The following LRMDA variants were observed in gnomAD, a reference collection of about 807,000 sequenced individuals.
The protein encoded by LRMDA is leucine-rich melanocyte differentiation-associated protein.
In LRMDA, 18 loss-of-function variants were observed where a neutral mutation model predicts 29.8. The ratio of observed to expected loss-of-function variants is 0.60; its 90% CI spans 0.42 to 0.90. The LOEUF is 0.90. Ranked by LOEUF, LRMDA falls within the 40% of genes least tolerant of loss-of-function variation. The probability of loss-of-function intolerance (pLI) is 0.00; values close to 1 mark genes in which losing one functional copy is unlikely to be tolerated. For missense variants in LRMDA, 273 were observed against 273.9 expected (o/e 1.00, Z 0.02); for synonymous variants, 125 against 109.4 (o/e 1.14, Z -0.89).
intron 2 of LRMDA, among the ~76,000 whole-genome samples, chr10:75,790,886 G>A (rs1843554102): frequency 6.6e-6 from 1 of 152,190 alleles, no homozygotes; most frequent in East Asian, 1.9e-4. Context: ...TGGGGAAGGT[G>A]GCTTTCGTTG....
chr10:76,459,197 C>T (rs1315270863), intron 6 of LRMDA, among the ~76,000 whole-genome samples: 1 of 152,118 alleles, frequency 6.6e-6, no homozygotes, highest in Non-Finnish European at 1.5e-5. Context: ...AACCTCCTTG[C>T]CAAGCACTTT....
At chr10:75,949,968 C>T (rs941561808) in intron 2 of LRMDA, among the ~76,000 whole-genome samples, 3 of 152,160 alleles carry the variant, frequency 2.0e-5, no homozygotes, top group Non-Finnish European at 4.4e-5. Flanking sequence ...TTTCTGAAGC[C>T]CAGAGAACTC....
chr10:76,502,795 G>A (rs544792513), intron 6 of LRMDA, among the ~76,000 whole-genome samples: 5 of 151,338 alleles, frequency 3.3e-5, no homozygotes, highest in African/African-American at 1.2e-4. Flanking sequence ...GAGCCTTTTG[G>A]CAGAGTCTTT....
chr10:75,546,881 C>T (rs577450825), intron 2 of LRMDA, among the ~76,000 whole-genome samples: 9 of 152,248 alleles, frequency 5.9e-5, no homozygotes, highest in Admixed American at 3.9e-4. Context: ...TGTATTATTT[C>T]ACTGAATCCT....
chr10:75,969,068 C>T (rs901784683), intron 2 of LRMDA, among the ~76,000 whole-genome samples: 6 of 152,212 alleles, frequency 3.9e-5, no homozygotes, highest in African/African-American at 1.4e-4. Flanking sequence ...GCCACACTGA[C>T]AGCCACTGTT....
At chr10:75,733,135 G>A (rs1276683893) in intron 2 of LRMDA, among the ~76,000 whole-genome samples, 1 of 152,148 alleles carries the variant, frequency 6.6e-6, no homozygotes, top group African/African-American at 2.4e-5. Flanking sequence ...TGAATATGTG[G>A]GCTATGTAAT....
chr10:76,193,360 G>C (rs898262860), intron 5 of LRMDA, among the ~76,000 whole-genome samples: 2 of 152,074 alleles, frequency 1.3e-5, no homozygotes, highest in African/African-American at 4.8e-5. Context: ...TAGGCTCCCT[G>C]CTTCAATCAT....
At chr10:75,766,755 G>A (rs1432492440) in intron 2 of LRMDA, among the ~76,000 whole-genome samples, 1 of 151,764 alleles carries the variant, frequency 6.6e-6, no homozygotes, top group South Asian at 2.1e-4. Context: ...TTTAAGCCCC[G>A]CATGCATTAG....
At chr10:76,057,784 G>C (rs1848640463) in intron 4 of LRMDA, among the ~76,000 whole-genome samples, 1 of 152,188 alleles carries the variant, frequency 6.6e-6, no homozygotes, top group Non-Finnish European at 1.5e-5. Flanking sequence ...TTGATTGTTG[G>C]ACTATGGAAC....
intron 2 of LRMDA, among the ~76,000 whole-genome samples, chr10:75,877,537 T>C (rs1845218711): frequency 6.6e-6 from 1 of 152,244 alleles, no homozygotes; most frequent in Non-Finnish European, 1.5e-5. Context: ...AGTGCTGGAC[T>C]CATTCTAAAC....
At chr10:76,523,725 G>T (rs1843145949) in intron 6 of LRMDA, among the ~76,000 whole-genome samples, 1 of 152,194 alleles carries the variant, frequency 6.6e-6, no homozygotes, top group Non-Finnish European at 1.5e-5. Context: ...TGGATGAAAA[G>T]ATGGTGGACA....
At chr10:76,470,889 A>G (rs1385648173) in intron 6 of LRMDA, among the ~76,000 whole-genome samples, 1 of 151,990 alleles carries the variant, frequency 6.6e-6, no homozygotes, top group Non-Finnish European at 1.5e-5. Flanking sequence ...ACCTAACACC[A>G]CTGAATTATG....
intron 2 of LRMDA, among the ~76,000 whole-genome samples, chr10:75,865,672 A>G (rs1845006704): frequency 6.6e-6 from 1 of 152,218 alleles, no homozygotes; most frequent in South Asian, 2.1e-4. Context: ...CGTCTGGGTT[A>G]GCTTTTATAG....
At chr10:76,101,893 T>A (rs1237487914) in intron 5 of LRMDA, among the ~76,000 whole-genome samples, 1 of 152,196 alleles carries the variant, frequency 6.6e-6, no homozygotes, top group Non-Finnish European at 1.5e-5. Flanking sequence ...CACAAAGCAG[T>A]TTCTCCCATT....
intron 2 of LRMDA, among the ~76,000 whole-genome samples, chr10:75,599,065 G>A (rs1168543317): frequency 6.6e-6 from 1 of 152,070 alleles, no homozygotes; most frequent in African/African-American, 2.4e-5. Context: ...GAAATGGGAA[G>A]GTGACACTTG....
intron 2 of LRMDA, among the ~76,000 whole-genome samples, chr10:75,970,848 A>G (rs773731651): frequency 2.0e-5 from 3 of 152,202 alleles, no homozygotes; most frequent in African/African-American, 7.2e-5. Context: ...CTTCCATAAC[A>G]TCTAAAGAAG....
chr10:75,853,401 G>C (rs1219935774), intron 2 of LRMDA, among the ~76,000 whole-genome samples: 1 of 151,296 alleles, frequency 6.6e-6, no homozygotes, highest in Non-Finnish European at 1.5e-5. Context: ...GAGTGTCCTG[G>C]CATGTTCTAA....
intron 2 of LRMDA, 31 bp downstream of exon 2, chr10:75,438,525 C>A: frequency 2.7e-6 from 4 of 1,505,980 alleles, no homozygotes; most frequent in South Asian, 1.2e-5. Flanking sequence ...GTAGGCCAGG[C>A]CTGGGAGGCC....
intron 6 of LRMDA, among the ~76,000 whole-genome samples, chr10:76,481,969 A>G (rs74667877): frequency 0.025 from 3,734 of 152,040 alleles, 75 homozygotes; most frequent in South Asian, 0.11. Flanking sequence ...ACTGACTGTT[A>G]GATGTTTCCA....
Sources: allele counts gnomAD v4.1 joint callset (sites outside exome capture counted in the v4.1 genomes callset), GRCh38; gene constraint gnomAD v4.1.1; transcripts MANE v1.5; gene names NCBI Gene and HGNC (gene_info 2026-07-23, HGNC 2026-07-21).